Variants in MYBPC1 observed in about 807,000 individuals in gnomAD.
MYBPC1 encodes the protein myosin-binding protein C, slow-type.
MYBPC1 carries 52 observed loss-of-function variants against 147.1 expected under a neutral mutation model. That is an observed-to-expected ratio of 0.35 (90% confidence interval 0.28 to 0.45). The LOEUF is 0.45. Among genes scored for constraint, MYBPC1 ranks in the 20% least tolerant of loss-of-function variants. MYBPC1 has a pLI of 1.00. For synonymous variants in MYBPC1, 477 were observed against 475.9 expected, an observed-to-expected ratio of 1.00 and a Z score of -0.03; for missense variants, 1,228 against 1,440.3, an observed-to-expected ratio of 0.85 and a Z score of 2.39.
chr12:101,685,451 C>A (rs1951296936), intron 31 of MYBPC1, 131 bp from the exon 32 acceptor site: 2 of 678,000 alleles, frequency 2.9e-6, no homozygotes, highest in African/African-American at 1.9e-5. Context: ...CAAGTAGAGA[C>A]TGAATGAATC....
At chr12:101,689,725 T>C (rs1160524178), downstream of MYBPC1, among the ~76,000 whole-genome samples, 1 of 152,166 alleles carries the variant, frequency 6.6e-6, no homozygotes, top group African/African-American at 2.4e-5. Context: ...CCACAAAACC[T>C]AGGAAGGCTG....
At chr12:101,603,677 C>T (rs1050364702) in intron 1 of MYBPC1, among the ~76,000 whole-genome samples, 6 of 152,222 alleles carry the variant, frequency 3.9e-5, no homozygotes, top group African/African-American at 1.2e-4. Context: ...TACAATGGCT[C>T]ATGCCTGTAA....
rs1267440482 is a variant in MYBPC1 at position 101,656,230 on chromosome 12, T to C, written c.1767+2982T>C. Reference sequence around the variant, plus strand: ...ATAAAGGAGAGAAAATGAAATCACATAGAATGCTTAATTAAAACCACAAAA... The same window carrying C: ...ATAAAGGAGAGAAAATGAAATCACACAGAATGCTTAATTAAAACCACAAAA... On this transcript the variant is annotated intron_variant, in intron 18 of 31. Coordinates refer to ENST00000361466, the MANE Select transcript of MYBPC1 (RefSeq NM_002465.4). Among the ~76,000 whole-genome samples the C allele has an allele frequency of 3.3e-5, 5 of 151,838 alleles. No individual in the cohort carries two copies. In the East Asian group the frequency reaches 9.6e-4, roughly 29 times the overall value.
intron 3 of MYBPC1, among the ~76,000 whole-genome samples, chr12:101,626,088 C>CAAAAAAAAAAAAAAAAAAAAAAAAA (rs769008600): frequency 1.8e-5 from 1 of 55,076 alleles, no homozygotes; most frequent in Non-Finnish European, 3.5e-5. Flanking sequence ...AACTCTGTCT[C>CAAAAAAAAAAAAAAAAAAAAAAAAA]AAAAAAAAAA....
chr12:101,614,747 A>C, intron 2 of MYBPC1: 1 of 605,320 alleles, frequency 1.7e-6, no homozygotes, highest in Non-Finnish European at 2.9e-6. Flanking sequence ...ATGGCACTTC[A>C]TATATATTAG....
chr12:101,684,951 T>C (rs1951264315), intron 31 of MYBPC1, among the ~76,000 whole-genome samples: 1 of 152,202 alleles, frequency 6.6e-6, no homozygotes, highest in East Asian at 1.9e-4. Context: ...AGGGTACTTT[T>C]ATTTTTTTAA....
chr12:101,658,378 T>C (rs1224129941), intron 18 of MYBPC1, among the ~76,000 whole-genome samples: 1 of 110,244 alleles, frequency 9.1e-6, no homozygotes, highest in East Asian at 3.5e-4. Flanking sequence ...GGGAAATGTA[T>C]TCAATCTGAT....
chr12:101,670,243 T>G, intron 23 of MYBPC1, 78 bp from the exon 24 acceptor site: 1 of 1,096,344 alleles, frequency 9.1e-7, no homozygotes, highest in African/African-American at 1.5e-5. Flanking sequence ...CTGGTGAGCA[T>G]CATGCCATTT....
intron 18 of MYBPC1, 30 bp downstream of exon 18, chr12:101,653,278 G>A (rs778636260): frequency 2.6e-5 from 42 of 1,610,492 alleles, no homozygotes; most frequent in Non-Finnish European, 2.9e-5. Context: ...ACACTCACAT[G>A]CACACACACA....
chr12:101,694,414 C>T, the MYBPC1 span, among the ~76,000 whole-genome samples: 13 of 152,164 alleles, frequency 8.5e-5, no homozygotes, highest in Non-Finnish European at 1.9e-4. Flanking sequence ...TGCTCCACCC[C>T]CAATTCATAT....
intron 18 of MYBPC1, among the ~76,000 whole-genome samples, chr12:101,657,604 C>G (rs935442865): frequency 1.3e-5 from 2 of 152,032 alleles, no homozygotes; most frequent in Non-Finnish European, 2.9e-5. Context: ...TGAAATGGAC[C>G]AACTCCTTGA....
chr12:101,650,079 T>G (rs1417129590), intron 15 of MYBPC1, among the ~76,000 whole-genome samples: 1 of 152,242 alleles, frequency 6.6e-6, no homozygotes, highest in Admixed American at 6.5e-5. Context: ...AATACATTCC[T>G]TATGCTTTAT....
intron 1 of MYBPC1, among the ~76,000 whole-genome samples, chr12:101,610,714 A>C (rs1883964362): frequency 6.6e-6 from 1 of 152,222 alleles, no homozygotes; most frequent in Non-Finnish European, 1.5e-5. Context: ...TAGGGAGGGC[A>C]ACATCCATAT....
chr12:101,668,549 C>G (rs562594221), intron 23 of MYBPC1, among the ~76,000 whole-genome samples: 8 of 152,206 alleles, frequency 5.3e-5, no homozygotes, highest in African/African-American at 1.4e-4. Flanking sequence ...CAACCTCTGC[C>G]TCCCGGGTTC....
chr12:101,666,733 G>A (rs1276868221), intron 22 of MYBPC1: 18 of 1,612,232 alleles, frequency 1.1e-5, no homozygotes, highest in Non-Finnish European at 1.5e-5. Context: ...TTTAATGACG[G>A]ATTCTCAAAG....
At chr12:101,646,610 G>A (rs1893200040) in intron 12 of MYBPC1, 153 bp from the exon 13 acceptor site, 1 of 827,890 alleles carries the variant, frequency 1.2e-6, no homozygotes, top group Non-Finnish European at 2.0e-6. Flanking sequence ...CTGCACTCCT[G>A]CCTGTGCAAC....
intron 3 of MYBPC1, among the ~76,000 whole-genome samples, chr12:101,622,390 A>C (rs1300303858): frequency 2.0e-5 from 3 of 152,204 alleles, no homozygotes; most frequent in Admixed American, 2.0e-4. Context: ...CAATATCTTA[A>C]CTACATTTCC....
chr12:101,651,524 T>C, intron 16 of MYBPC1, 131 bp downstream of exon 16: 1 of 1,181,824 alleles, frequency 8.5e-7, no homozygotes, highest in Non-Finnish European at 1.2e-6. Context: ...ATTCTTCGCT[T>C]CCAACTAGCA....
chr12:101,653,314 C>G, intron 18 of MYBPC1, 66 bp downstream of exon 18: 1 of 1,576,782 alleles, frequency 6.3e-7, no homozygotes, highest in Admixed American at 1.7e-5. Flanking sequence ...CCTACCCCAC[C>G]CCTTGCCCTC....
Sources: allele counts gnomAD v4.1 joint callset (sites outside exome capture counted in the v4.1 genomes callset), GRCh38; gene constraint gnomAD v4.1.1; transcripts MANE v1.5; gene names NCBI Gene and HGNC (gene_info 2026-07-23, HGNC 2026-07-21).